The following ING1 variants were observed in gnomAD, a reference collection of about 807,000 sequenced individuals.
ING1 encodes the protein inhibitor of growth protein 1.
In ING1, 4 loss-of-function variants were observed where a neutral mutation model predicts 23.1. The observed-to-expected ratio is 0.17, with a 90% confidence interval of 0.09 to 0.40. ING1 has a LOEUF of 0.40. ING1 is among the 10% of genes least tolerant of loss of function. The pLI is 1.00. For missense variants in ING1, 256 were observed against 393.8 expected (o/e 0.65, Z 2.96); for synonymous variants, 179 against 166.4 (o/e 1.08, Z -0.58).
At chr13:110,716,022 GC>G (rs1040430371) in intron 1 of ING1, 3 of 1,490,864 alleles carry the variant, frequency 2.0e-6, no homozygotes, top group African/African-American at 1.4e-5. Context: ...AGTGACTGGG[GC>G]TGCGTCCACG....
rs958120763 is a variant in ING1 at position 110,720,646 on chromosome 13, A to G, written c.*714A>G. 1.2e-5 allele frequency: 2 copies of G among 167,076 alleles called. No homozygotes were observed. Among genetic ancestry groups the G allele is most frequent in the Non-Finnish European group, 2.9e-5 (2 of 68,128 alleles). The allele number at this position is 167,076 out of a possible 1,614,324, so 10.3% of individuals were successfully genotyped here. On this transcript the variant is annotated 3_prime_UTR_variant, in exon 2 of 2. Coordinates refer to ENST00000333219, the MANE Select transcript of ING1 (RefSeq NM_198219.3). ...AATGAACTTGCACTTGTTATATTAT[A>G]ATTGGAAGTGCAGTCAGCAGATGCT...
chr13:110,714,302 G>A lies in ING1; in HGVS notation c.136+17G>A. 1 of 1,543,138 alleles carries A rather than the reference G, an allele frequency of 6.5e-7. No individual in the cohort carries two copies. The highest frequency in any genetic ancestry group is 8.7e-7 in the Non-Finnish European group (1 of 1,146,246). On this transcript the variant is annotated intron_variant, in intron 1 of 1. Coordinates refer to ENST00000333219, the MANE Select transcript of ING1 (RefSeq NM_198219.3). The stretch of plus-strand genomic sequence containing the variant: ...AATACCAAGGTACGGCCGGGTGATG[G>A]ATGGGCGGGGGCGGCCGCCTCCTTC...
At chr13:110,712,645 G>A, upstream of ING1, 2 of 589,092 alleles carry the variant, frequency 3.4e-6, no homozygotes, top group South Asian at 1.6e-5. Flanking sequence ...GCGACGCGGG[G>A]GAGGGCGGTC....
At chr13:110,713,609 G>A, upstream of ING1, 3 of 985,570 alleles carry the variant, frequency 3.0e-6, no homozygotes, top group Non-Finnish European at 3.6e-6. Flanking sequence ...AATGCGGCGG[G>A]GGGCGGGGCC....
intron 1 of ING1, among the ~76,000 whole-genome samples, chr13:110,716,467 C>T (rs1191880805): frequency 1.3e-5 from 2 of 152,130 alleles, no homozygotes; most frequent in African/African-American, 2.4e-5. Flanking sequence ...CACAGACCTA[C>T]TCTGTAGGAA....
At position 110,713,700 on chromosome 13, in the gene ING1, G is replaced by C. The variant is rs1039964388; in HGVS notation, c.-450G>C. On this transcript the variant is annotated 5_prime_UTR_variant, in exon 1 of 2. Coordinates refer to ENST00000333219, the MANE Select transcript of ING1 (RefSeq NM_198219.3). Reference sequence around the variant, plus strand: ...TCCCAAGTGTTTGAAACTGGTATTTGGGTTTTCCACGTTGGACAAGTGCGG... The same window carrying C: ...TCCCAAGTGTTTGAAACTGGTATTTCGGTTTTCCACGTTGGACAAGTGCGG... 3 of 985,250 alleles carry C rather than the reference G, an allele frequency of 3.0e-6. No individual in the cohort carries two copies. The highest frequency in any genetic ancestry group is 3.5e-5 in the African/African-American group (2 of 57,208). The allele number at this position is 985,250 out of a possible 1,614,324, so 61.0% of individuals were successfully genotyped here.
intron 1 of ING1, chr13:110,715,383 A>G (rs1450263459): frequency 2.1e-5 from 32 of 1,500,674 alleles, no homozygotes; most frequent in Middle Eastern, 2.1e-4. Flanking sequence ...AGCGAATTTT[A>G]TAGGAACTTC....
Position 110,722,315 on chromosome 13 carries a change from G to A in ING1, c.*2383G>A, listed in dbSNP as rs909301199. 6.6e-5 allele frequency: 10 copies of A among 152,176 alleles called. No homozygotes were observed. The highest frequency in any genetic ancestry group is 2.4e-4 in the African/African-American group (10 of 41,452). 9.4% of individuals were successfully genotyped at this position (152,176 alleles called of 1,614,324 possible). A position where few individuals can be genotyped will look rare whatever the true frequency, so the allele number is the denominator to read the frequency against. On this transcript the variant is annotated 3_prime_UTR_variant, in exon 2 of 2. Coordinates refer to ENST00000333219, the MANE Select transcript of ING1 (RefSeq NM_198219.3). ...CAAAAGGTTTATGAAAATAAGTTAT[G>A]AAACTAAAATACTTAATAAACATCC...
chr13:110,713,259 AAG>A (rs1179021349), upstream of ING1: 16 of 1,339,788 alleles, frequency 1.2e-5, no homozygotes, highest in African/African-American at 4.4e-5. Context: ...GGCGGGGACG[AAG>A]AGTCAGGGGC....
upstream of ING1, chr13:110,713,547 A>T: frequency 1.0e-6 from 1 of 985,902 alleles, no homozygotes; most frequent in Non-Finnish European, 1.2e-6. Context: ...CGCCCCCGCG[A>T]GGGCCGGCCT....
rs899703675 is a variant in ING1, at chr13:110,723,268, T to A, written c.*3336T>A. Reference sequence around the variant, plus strand: ...GGTTCTCTTTTGGTGTGATTAGAGCTATGTGAGTTGTCTCAATACTTGAGA... The same window carrying A: ...GGTTCTCTTTTGGTGTGATTAGAGCAATGTGAGTTGTCTCAATACTTGAGA... On this transcript the variant is annotated 3_prime_UTR_variant, in exon 2 of 2. Transcript: ENST00000333219. 3 of 151,856 alleles carry A rather than the reference T, an allele frequency of 2.0e-5. No individual in the cohort carries two copies. The highest frequency in any genetic ancestry group is 7.3e-5 in the African/African-American group (3 of 41,354). 9.4% of individuals were successfully genotyped at this position (151,856 alleles called of 1,614,324 possible).
chr13:110,719,861 C>CG lies in ING1; in HGVS notation c.775dup (p.Glu259GlyfsTer35). On this transcript the variant is annotated frameshift_variant, in exon 2 of 2. Transcript: ENST00000333219. LOFTEE classifies it high-confidence loss of function. This position sits in a 1 kb window ranked among gnomAD's most constrained non-coding sequence, Gnocchi z 8.9. ...GGGCAAGTGGTACTGTCCCAAGTGCCGGGGGGAGAACGAGAAGACCATGGA... is the reference window on the plus strand; with the variant it reads ...GGGCAAGTGGTACTGTCCCAAGTGCCGGGGGGGAGAACGAGAAGACCATGGA... The CG allele has an allele frequency of 6.2e-7, 1 of 1,613,214 alleles. No individual in the cohort carries two copies.
upstream of ING1, chr13:110,712,717 T>C (rs1047323835): frequency 4.5e-5 from 31 of 693,528 alleles, no homozygotes; most frequent in African/African-American, 5.3e-4. Context: ...TGGGCGGCCT[T>C]TCCAAGTGTG....
chr13:110,717,129 C>T (rs2064130565), intron 1 of ING1, among the ~76,000 whole-genome samples: 1 of 152,006 alleles, frequency 6.6e-6, no homozygotes, highest in African/African-American at 2.4e-5. Context: ...ACTTTGATTA[C>T]TGATGAAAAG....
intron 1 of ING1, chr13:110,715,474 C>G: frequency 1.2e-6 from 2 of 1,611,300 alleles, no homozygotes; most frequent in Non-Finnish European, 1.7e-6. Flanking sequence ...TTATCATTCC[C>G]CTGCGGAACG....
intron 1 of ING1, 139 bp downstream of exon 1, chr13:110,714,424 A>G (rs1357113537): frequency 1.3e-6 from 1 of 787,654 alleles, no homozygotes; most frequent in Non-Finnish European, 1.7e-6. Flanking sequence ...AGGGGCAGGA[A>G]CAAAAGGTCT....
chr13:110,713,728 C>T lies in ING1; in HGVS notation c.-422C>T. 1 of 985,186 alleles carries T rather than the reference C, an allele frequency of 1.0e-6. No individual in the cohort carries two copies. The highest frequency in any genetic ancestry group is 1.2e-6 in the Non-Finnish European group (1 of 829,876). The allele number at this position is 985,186 out of a possible 1,614,324, so 61.0% of individuals were successfully genotyped here. A position where few individuals can be genotyped will look rare whatever the true frequency, so the allele number is the denominator to read the frequency against. ...TTTTCCACGTTGGACAAGTGCGGCT[C>T]GGCGGCCAGCGGAGCGCGCCCCTTC... On this transcript the variant is annotated 5_prime_UTR_variant, in exon 1 of 2. Coordinates refer to ENST00000333219, the MANE Select transcript of ING1 (RefSeq NM_198219.3).
rs1440439965 is a variant in ING1, at chr13:110,722,321, A to G, written c.*2389A>G. 1 of 152,276 alleles carries G rather than the reference A, an allele frequency of 6.6e-6. No individual in the cohort carries two copies. Among genetic ancestry groups the G allele is most frequent in the Non-Finnish European group, 1.5e-5 (1 of 68,050 alleles). The allele number at this position is 152,276 out of a possible 1,614,324, so 9.4% of individuals were successfully genotyped here. On this transcript the variant is annotated 3_prime_UTR_variant, in exon 2 of 2. Coordinates refer to ENST00000333219, the MANE Select transcript of ING1 (RefSeq NM_198219.3). ...GTTTATGAAAATAAGTTATGAAACTAAAATACTTAATAAACATCCAGTGAC... is the reference window on the plus strand; with the variant it reads ...GTTTATGAAAATAAGTTATGAAACTGAAATACTTAATAAACATCCAGTGAC...
Position 110,713,772 on chromosome 13 carries a change from C to G in ING1, c.-378C>G, listed in dbSNP as rs1380363146. ...CCCCTTCCCGCTGCCCGCTCCGCTC[C>G]TCTCTTCTACCCAGCCCAGTGGGCG... On this transcript the variant is annotated 5_prime_UTR_variant, in exon 1 of 2. Transcript: ENST00000333219. 67 of 984,966 alleles carry G rather than the reference C, an allele frequency of 6.8e-5. No homozygotes were observed. Among genetic ancestry groups the G allele is most frequent in the Non-Finnish European group, 8.1e-5 (67 of 829,866 alleles). The allele number at this position is 984,966 out of a possible 1,614,324, so 61.0% of individuals were successfully genotyped here.
Sources: gnomAD v4.1 joint callset for allele counts (sites outside exome capture counted in the v4.1 genomes callset) on GRCh38, gnomAD v4.1.1 for gene constraint, Gnocchi (gnomAD v3.1) non-coding constraint, MANE v1.5 for transcripts, NCBI Gene and HGNC (gene_info 2026-07-23, HGNC 2026-07-21) for gene names.